The following NDRG2 variants were observed in gnomAD, a reference collection of about 807,000 sequenced individuals.
The protein encoded by NDRG2 is protein NDRG2.
NDRG2 carries 34 observed loss-of-function variants against 58.2 expected under a neutral mutation model. The observed-to-expected ratio is 0.58, with a 90% CI of 0.44 to 0.78. The LOEUF (loss-of-function observed/expected upper bound fraction) is 0.78. Among genes scored for constraint, NDRG2 ranks in the 30% least tolerant of loss-of-function variants. The pLI, the probability that NDRG2 is intolerant of heterozygous loss-of-function variation, is 0.00. For synonymous variants in NDRG2, 187 were observed against 175.9 expected (o/e 1.06, Z -0.50); for missense variants, 434 against 471.2 (o/e 0.92, Z 0.73).
chr14:21,046,361 C>CA (rs1007740884), intron 1 of NDRG2, among the ~76,000 whole-genome samples: 7 of 151,960 alleles, frequency 4.6e-5, no homozygotes, highest in Non-Finnish European at 8.8e-5. Context: ...CCCATATCTA[C>CA]AAAAAATACA....
chr14:21,046,166 T>G (rs1344800089), intron 1 of NDRG2, among the ~76,000 whole-genome samples: 1 of 152,188 alleles, frequency 6.6e-6, no homozygotes. Flanking sequence ...TAATTTCTAT[T>G]GTTCTGTTCT....
In NDRG2 at chr14:21,024,326, AG is replaced by A. The variant is rs962709949; in HGVS notation, c.-304del. On this transcript the variant is annotated 5_prime_UTR_variant, in exon 1 of 16. The change creates a premature stop within an existing upstream ORF in the 5' untranslated region. Coordinates refer to ENST00000556147, the MANE Select transcript of NDRG2 (RefSeq NM_001320329.2). Reference sequence around the variant, plus strand: ...CAGTTCAGGCTGCGCGGAGGAGAGAAGGAAGTGCTGATGTGGAGGTAAGAGG... The same window carrying A: ...CAGTTCAGGCTGCGCGGAGGAGAGAAGAAGTGCTGATGTGGAGGTAAGAGG... 1 of 984,542 alleles carries A rather than the reference AG, an allele frequency of 1.0e-6. No homozygotes were observed. The highest frequency in any genetic ancestry group is 1.7e-5 in the African/African-American group (1 of 57,212). The allele number at this position is 984,542 out of a possible 1,614,324, so 61.0% of individuals were successfully genotyped here.
In NDRG2 at chr14:21,070,280, C is replaced by A; in HGVS notation, c.24+548G>T. On this transcript the variant is annotated intron_variant, in intron 1 of 14. Transcript: ENST00000403829. This position sits in a 1 kb window ranked among gnomAD's most constrained non-coding sequence, Gnocchi z 4.7. ...AAGCCGGAGCGGGCCGAGCCGCCAC[C>A]GCGGCCGGAGCTGTCCCTTAGCCAG... 1 of 1,117,500 alleles carries A rather than the reference C, an allele frequency of 8.9e-7. No individual in the cohort carries two copies. Among genetic ancestry groups the A allele is most frequent in the South Asian group, 4.2e-5 (1 of 23,544 alleles). 69.2% of individuals were successfully genotyped at this position (1,117,500 alleles called of 1,614,324 possible). A position where few individuals can be genotyped will look rare whatever the true frequency, so the allele number is the denominator to read the frequency against.
Position 21,019,645 on chromosome 14 carries a change from T to C in NDRG2, c.710A>G (p.Tyr237Cys). The C allele has an allele frequency of 1.2e-6, 2 of 1,608,500 alleles. No homozygotes were observed. Among genetic ancestry groups the C allele is most frequent in the South Asian group, 1.1e-5 (1 of 90,586 alleles). ...ACACACACAGCCCACCCACTTGTTG[T>C]AGCTGTTCCAGTACAATTCAATGTT... The part of the protein sequence containing the change: ...LDNIELYWNS[Y>C]NNRRDLNFER... The change falls in exon 10 of 16, where the codon TAC becomes TGC. Residue 237 changes from tyrosine to cysteine, a missense_variant. Coordinates refer to ENST00000556147, the MANE Select transcript of NDRG2 (RefSeq NM_001320329.2).
rs1877294300 is a variant in NDRG2, at chr14:21,017,296, A to G, written c.*300T>C. 2 of 448,786 alleles carry G rather than the reference A, an allele frequency of 4.5e-6. No individual in the cohort carries two copies. Among genetic ancestry groups the G allele is most frequent in the Non-Finnish European group, 8.3e-6 (2 of 240,436 alleles). 27.8% of individuals were successfully genotyped at this position (448,786 alleles called of 1,614,324 possible). A position where few individuals can be genotyped will look rare whatever the true frequency, so the allele number is the denominator to read the frequency against. ...TACAACAACCTCTTACCCCTCAGCT[A>G]TAGACACCTAGATCAGGACAGAGGA... On this transcript the variant is annotated 3_prime_UTR_variant, in exon 16 of 16. Coordinates refer to ENST00000556147, the MANE Select transcript of NDRG2 (RefSeq NM_001320329.2).
At chr14:21,059,485 GTT>G (rs60728641) in intron 1 of NDRG2, among the ~76,000 whole-genome samples, 2,718 of 150,568 alleles carry the variant, frequency 0.018, 74 homozygotes, top group African/African-American at 0.058. Flanking sequence ...GTTTTTTTGG[GTT>G]TTTTTTTTCT....
chr14:21,070,300 A>G lies in NDRG2; in HGVS notation c.24+528T>C, dbSNP rs1886598272. 2 of 1,333,932 alleles carry G rather than the reference A, an allele frequency of 1.5e-6. No individual in the cohort carries two copies. The highest frequency in any genetic ancestry group is 9.7e-7 in the Non-Finnish European group (1 of 1,034,260). 82.6% of individuals were successfully genotyped at this position (1,333,932 alleles called of 1,614,324 possible). ...GCCACCGCGGCCGGAGCTGTCCCTT[A>G]GCCAGACCCGGCGAGACACGAGCGG... On this transcript the variant is annotated intron_variant, in intron 1 of 14. Coordinates refer to the NDRG2 transcript ENST00000403829. This position sits in a 1 kb window ranked among gnomAD's most constrained non-coding sequence, Gnocchi z 4.7.
upstream of NDRG2, chr14:21,025,199 C>T: frequency 1.1e-6 from 1 of 876,960 alleles, no homozygotes; most frequent in South Asian, 5.2e-5. This position sits in a 1 kb window ranked among gnomAD's most constrained non-coding sequence, Gnocchi z 5.1. Context: ...TCACCCCGCC[C>T]AGACTGCCGC....
rs1884452080 is a variant in NDRG2, at chr14:21,034,133, AC to A, written c.25-10813del. ...CTCGCATATAGGACATCAGACCATT[AC>A]AATAGCCCCGGAAACCCTTTGGGTA... is the stretch of plus-strand genomic sequence containing the variant. On this transcript the variant is annotated intron_variant, in intron 1 of 14. Transcript: ENST00000403829. 5.0e-6 allele frequency: 8 copies of A among 1,614,226 alleles called. No homozygotes were observed. The East Asian group carries it at 1.8e-4, about 36-fold the overall frequency.
intron 1 of NDRG2, among the ~76,000 whole-genome samples, chr14:21,060,880 C>T (rs983439268): frequency 1.3e-5 from 2 of 152,216 alleles, no homozygotes; most frequent in Non-Finnish European, 2.9e-5. Context: ...ATCCCAGGAA[C>T]TACCTCAAGA....
chr14:21,049,713 G>T (rs1885379122), intron 1 of NDRG2, among the ~76,000 whole-genome samples: 1 of 151,008 alleles, frequency 6.6e-6, no homozygotes, highest in Non-Finnish European at 1.5e-5. Context: ...AACAAGCCTT[G>T]TGATATTTAC....
At chr14:21,065,955 TG>T (rs1279134108) in intron 1 of NDRG2, among the ~76,000 whole-genome samples, 1 of 152,064 alleles carries the variant, frequency 6.6e-6, no homozygotes, top group African/African-American at 2.4e-5. Context: ...AAAAATTAGC[TG>T]GGTGTGGTGG....
chr14:21,026,152 G>GCACA (rs147701833), upstream of NDRG2, among the ~76,000 whole-genome samples: 3 of 149,612 alleles, frequency 2.0e-5, no homozygotes, highest in Non-Finnish European at 3.0e-5. Context: ...ACACGCACAC[G>GCACA]CACACACACA....
At chr14:21,049,337 G>C (rs912597148) in intron 1 of NDRG2, among the ~76,000 whole-genome samples, 4 of 152,184 alleles carry the variant, frequency 2.6e-5, no homozygotes, top group African/African-American at 9.7e-5. Flanking sequence ...ACCAACGCCT[G>C]TGACTCATGT....
At chr14:21,018,562 T>C in intron 12 of NDRG2, 58 bp from the exon 13 acceptor site, 1 of 1,597,380 alleles carries the variant, frequency 6.3e-7, no homozygotes, top group Non-Finnish European at 8.5e-7. Context: ...GCCTCCCCCG[T>C]AAGGGACCCA....
chr14:21,041,329 G>A (rs886186604), intron 1 of NDRG2, among the ~76,000 whole-genome samples: 5 of 152,140 alleles, frequency 3.3e-5, no homozygotes, highest in Admixed American at 2.6e-4. Context: ...TATATCCCAA[G>A]TATCTTGACA....
intron 1 of NDRG2, chr14:21,031,260 G>C (rs1884102501): frequency 6.7e-7 from 1 of 1,483,202 alleles, no homozygotes; most frequent in Non-Finnish European, 9.1e-7. Flanking sequence ...TGACTGTAGA[G>C]ACAGGGCCGA....
At chr14:21,034,033 A>T in intron 1 of NDRG2, 1 of 1,614,202 alleles carries the variant, frequency 6.2e-7, no homozygotes. Context: ...CTATACTTGC[A>T]GAACTTCTGG....
intron 13 of NDRG2, 92 bp downstream of exon 13, chr14:21,018,365 C>T (rs1284630670): frequency 1.9e-6 from 3 of 1,604,008 alleles, no homozygotes; most frequent in Non-Finnish European, 2.6e-6. Context: ...TCGTTCACCC[C>T]ATTTGCTCCC....
Sources: gnomAD v4.1 joint callset for allele counts (sites outside exome capture counted in the v4.1 genomes callset) on GRCh38, gnomAD v4.1.1 for gene constraint, Gnocchi (gnomAD v3.1) non-coding constraint, MANE v1.5 for transcripts, NCBI Gene and HGNC (gene_info 2026-07-23, HGNC 2026-07-21) for gene names.